The following LUZP2 variants were observed in gnomAD, a reference collection of about 807,000 sequenced individuals.
LUZP2 encodes leucine zipper protein 2.
LUZP2 carries 52 observed loss-of-function variants against 51.6 expected under a neutral mutation model. That is an observed-to-expected ratio of 1.01 (90% CI 0.81 to 1.27). The LOEUF is 1.27. Among genes scored for constraint, LUZP2 ranks in the 50% most tolerant of loss-of-function variants. LUZP2 has a pLI of 0.00. For missense variants in LUZP2, 436 were observed against 395.4 expected (o/e 1.10, Z -0.87); for synonymous variants, 154 against 137.3 (o/e 1.12, Z -0.85).
intron 5 of LUZP2, among the ~76,000 whole-genome samples, chr11:24,822,039 C>G (rs531522505): frequency 6.8e-6 from 1 of 147,800 alleles, no homozygotes; most frequent in Non-Finnish European, 1.5e-5. Context: ...TTTTTTTTGG[C>G]CTTTGAATAA....
chr11:25,068,221 G>T (rs1037389523), intron 10 of LUZP2, among the ~76,000 whole-genome samples: 1 of 151,904 alleles, frequency 6.6e-6, no homozygotes, highest in Non-Finnish European at 1.5e-5. Flanking sequence ...TGTAGATGAC[G>T]ACTTTATGGG....
At chr11:24,690,217 A>G (rs1433152274) in intron 1 of LUZP2, among the ~76,000 whole-genome samples, 8 of 152,148 alleles carry the variant, frequency 5.3e-5, no homozygotes, top group Admixed American at 3.9e-4. Flanking sequence ...AATGTCAGAT[A>G]CCTCAAACTT....
chr11:25,020,698 T>G lies in LUZP2; in HGVS notation c.766-29340T>G, dbSNP rs2133973744. On this transcript the variant is annotated intron_variant, in intron 9 of 11. Coordinates refer to ENST00000336930, the MANE Select transcript of LUZP2 (RefSeq NM_001009909.4). Reference sequence around the variant, plus strand: ...CTAGCACAAAATTATCTCTTAAGAGTAATTTGAATTCTCAGATTTTTTTGA... The same window carrying G: ...CTAGCACAAAATTATCTCTTAAGAGGAATTTGAATTCTCAGATTTTTTTGA... Among the ~76,000 whole-genome samples, 3 of 152,240 alleles carry G rather than the reference T, an allele frequency of 2.0e-5. No homozygotes were observed. The East Asian group carries it at 5.8e-4, about 29-fold the overall frequency.
chr11:24,927,995 A>G (rs896570403), intron 7 of LUZP2, among the ~76,000 whole-genome samples: 1 of 151,642 alleles, frequency 6.6e-6, no homozygotes, highest in African/African-American at 2.4e-5. Flanking sequence ...TTTTTCTTGC[A>G]GCTATTGTAA....
intron 7 of LUZP2, among the ~76,000 whole-genome samples, chr11:24,921,452 A>T (rs1854050445): frequency 6.6e-6 from 1 of 152,114 alleles, no homozygotes; most frequent in South Asian, 2.1e-4. Flanking sequence ...TACACTTGGC[A>T]CAGGTGGCGA....
chr11:25,010,893 G>C (rs1398484886), intron 9 of LUZP2, among the ~76,000 whole-genome samples: 2 of 152,058 alleles, frequency 1.3e-5, no homozygotes, highest in African/African-American at 4.8e-5. Flanking sequence ...CGAAGTGGTA[G>C]GAAGGATTGA....
intron 1 of LUZP2, among the ~76,000 whole-genome samples, chr11:24,512,248 T>G (rs1418066944): frequency 6.6e-6 from 1 of 152,030 alleles, no homozygotes; most frequent in South Asian, 2.1e-4. Flanking sequence ...GCGGTGGTGG[T>G]AGAATATTGG....
chr11:24,541,027 T>G (rs1161029928), intron 1 of LUZP2, among the ~76,000 whole-genome samples: 1 of 151,916 alleles, frequency 6.6e-6, no homozygotes, highest in Non-Finnish European at 1.5e-5. Flanking sequence ...CCAAGGCAGG[T>G]GGATCACCTG....
chr11:24,903,404 A>G (rs772910136), intron 5 of LUZP2, among the ~76,000 whole-genome samples: 8 of 152,204 alleles, frequency 5.3e-5, no homozygotes, highest in Non-Finnish European at 1.0e-4. Context: ...GAGGAAAAAA[A>G]CAAGTATTCT....
chr11:24,970,039 A>G (rs1262572892), intron 7 of LUZP2, among the ~76,000 whole-genome samples: 1 of 152,204 alleles, frequency 6.6e-6, no homozygotes, highest in Non-Finnish European at 1.5e-5. Flanking sequence ...ACCGAGCTGA[A>G]TTATAAAATC....
At chr11:24,669,124 GTAAC>G (rs1168695726) in intron 1 of LUZP2, among the ~76,000 whole-genome samples, 1 of 152,152 alleles carries the variant, frequency 6.6e-6, no homozygotes, top group Non-Finnish European at 1.5e-5. Context: ...AGCTCTGACA[GTAAC>G]TACCTTTGTG....
At chr11:24,727,645 C>A (rs912872988) in intron 1 of LUZP2, among the ~76,000 whole-genome samples, 17 of 151,878 alleles carry the variant, frequency 1.1e-4, no homozygotes, top group Non-Finnish European at 2.2e-4. Context: ...TAAAAACATG[C>A]CTTGCTGTTT....
chr11:24,871,248 C>A (rs1366758628), intron 5 of LUZP2, among the ~76,000 whole-genome samples: 1 of 151,828 alleles, frequency 6.6e-6, no homozygotes, highest in Non-Finnish European at 1.5e-5. Context: ...AAATTTATAT[C>A]TCTTTGAATT....
At chr11:24,702,561 A>G (rs546906774) in intron 1 of LUZP2, among the ~76,000 whole-genome samples, 41 of 152,300 alleles carry the variant, frequency 2.7e-4, no homozygotes, top group African/African-American at 9.1e-4. Flanking sequence ...AGCAGGAACC[A>G]GAGACAGAAG....
intron 1 of LUZP2, among the ~76,000 whole-genome samples, chr11:24,618,248 C>G (rs1043598620): frequency 6.6e-6 from 1 of 152,240 alleles, no homozygotes; most frequent in African/African-American, 2.4e-5. Flanking sequence ...TGTTTCATTA[C>G]TGCTGGATAT....
In LUZP2 at chr11:25,080,489, A is replaced by T. The variant is rs1859432828; in HGVS notation, c.*1831A>T. On this transcript the variant is annotated 3_prime_UTR_variant, in exon 12 of 12. Coordinates refer to ENST00000336930, the MANE Select transcript of LUZP2 (RefSeq NM_001009909.4). ...ATAAAACCGGCTACCCAAGGAAAAAAATAATTAGCTTTATGGATGATCCAT... is the reference window on the plus strand; with the variant it reads ...ATAAAACCGGCTACCCAAGGAAAAATATAATTAGCTTTATGGATGATCCAT... 1 of 151,910 alleles carries T rather than the reference A, an allele frequency of 6.6e-6. No individual in the cohort carries two copies. The highest frequency in any genetic ancestry group is 2.4e-5 in the African/African-American group (1 of 41,382). The allele number at this position is 151,910 out of a possible 1,614,324, so 9.4% of individuals were successfully genotyped here.
At chr11:24,574,678 C>T (rs538741943) in intron 1 of LUZP2, among the ~76,000 whole-genome samples, 4 of 151,902 alleles carry the variant, frequency 2.6e-5, no homozygotes, top group Non-Finnish European at 5.9e-5. Flanking sequence ...AGAATGTTAG[C>T]AGGGAGATTG....
intron 8 of LUZP2, among the ~76,000 whole-genome samples, chr11:24,981,150 A>G (rs1011782789): frequency 3.3e-5 from 5 of 151,840 alleles, no homozygotes; most frequent in African/African-American, 7.3e-5. Context: ...GTGTAAAATC[A>G]TCCTCTGGGT....
At chr11:24,629,096 T>C (rs545310543) in intron 1 of LUZP2, among the ~76,000 whole-genome samples, 1 of 152,226 alleles carries the variant, frequency 6.6e-6, no homozygotes, top group South Asian at 2.1e-4. Flanking sequence ...TATTTTTATT[T>C]CTATACATTT....
Sources: allele counts gnomAD v4.1 joint callset (sites outside exome capture counted in the v4.1 genomes callset), GRCh38; gene constraint gnomAD v4.1.1; transcripts MANE v1.5; gene names NCBI Gene and HGNC (gene_info 2026-07-23, HGNC 2026-07-21).